Variants in ATRNL1 observed in about 807,000 individuals in gnomAD.
ATRNL1 encodes attractin like 1, also known as attractin-like protein 1.
ATRNL1 carries 95 observed loss-of-function variants against 182.7 expected under a neutral mutation model. The ratio of observed to expected loss-of-function variants is 0.52; its 90% confidence interval spans 0.44 to 0.62. The LOEUF is 0.62. ATRNL1 is among the 20% of genes least tolerant of loss of function. The probability of loss-of-function intolerance (pLI) is 0.00; values close to 1 mark genes in which losing one functional copy is unlikely to be tolerated. For missense variants in ATRNL1, 1,471 were observed against 1,679.5 expected, an observed-to-expected ratio of 0.88 and a Z score of 2.17; for synonymous variants, 576 against 568.3, an observed-to-expected ratio of 1.01 and a Z score of -0.19.
chr10:115,877,640 G>A (rs186134713), intron 28 of ATRNL1, among the ~76,000 whole-genome samples: 41 of 152,212 alleles, frequency 2.7e-4, no homozygotes, highest in African/African-American at 9.9e-4. Context: ...TATTTTATTT[G>A]GACTTTGGGA....
At chr10:115,122,578 G>T (rs1554872063) in intron 3 of ATRNL1, among the ~76,000 whole-genome samples, 1 of 151,734 alleles carries the variant, frequency 6.6e-6, no homozygotes, top group African/African-American at 2.4e-5. Flanking sequence ...ATGGATAAAA[G>T]CTTATTGGTC....
Position 115,543,230 on chromosome 10 carries a change from C to T in ATRNL1, c.3717-6228C>T, listed in dbSNP as rs10787577. ...AGAAGTTTGACCAATTTATTCTATG[C>T]GTGTATTATTTACCACATTCAGCCA... is the stretch of plus-strand genomic sequence containing the variant. On this transcript the variant is annotated intron_variant, in intron 25 of 28. Coordinates refer to ENST00000355044, the MANE Select transcript of ATRNL1 (RefSeq NM_207303.4). 7.2e-3 allele frequency among the ~76,000 whole-genome samples: 1,093 copies of T among 152,156 alleles called. 12 individuals are homozygous for T. The highest frequency in any genetic ancestry group is 0.024 in the African/African-American group (1,003 of 41,518).
At chr10:115,606,283 T>C (rs1175342090) in intron 26 of ATRNL1, among the ~76,000 whole-genome samples, 2 of 151,920 alleles carry the variant, frequency 1.3e-5, no homozygotes, top group Non-Finnish European at 2.9e-5. Flanking sequence ...AACACACTCA[T>C]AGAAAAAAAA....
At chr10:115,176,327 A>G (rs1187456645) in intron 8 of ATRNL1, among the ~76,000 whole-genome samples, 2 of 152,144 alleles carry the variant, frequency 1.3e-5, no homozygotes, top group South Asian at 2.1e-4. Flanking sequence ...CCATTTGTCA[A>G]TTTTGGCTTT....
chr10:115,454,803 G>A (rs1241367230), intron 21 of ATRNL1, among the ~76,000 whole-genome samples: 2 of 152,040 alleles, frequency 1.3e-5, no homozygotes, highest in Non-Finnish European at 2.9e-5. Flanking sequence ...TTGTGTGTGT[G>A]TATGTGTGGA....
At chr10:115,272,998 ATGTC>A (rs1554913741) in intron 13 of ATRNL1, among the ~76,000 whole-genome samples, 1 of 152,216 alleles carries the variant, frequency 6.6e-6, no homozygotes, top group Non-Finnish European at 1.5e-5. Flanking sequence ...GCCAGAATAA[ATGTC>A]TGTTTCAGTA....
At chr10:115,291,234 T>C (rs1852887871) in intron 15 of ATRNL1, among the ~76,000 whole-genome samples, 1 of 152,222 alleles carries the variant, frequency 6.6e-6, no homozygotes, top group African/African-American at 2.4e-5. Flanking sequence ...TTAAGGTTTT[T>C]CTCTGTATCA....
rs1471104176 is a variant in ATRNL1 at position 115,946,766 on chromosome 10, A to G, written c.*1987A>G. 1 of 152,148 alleles carries G rather than the reference A, an allele frequency of 6.6e-6. No individual in the cohort carries two copies. Among genetic ancestry groups the G allele is most frequent in the Non-Finnish European group, 1.5e-5 (1 of 68,016 alleles). 9.4% of individuals were successfully genotyped at this position (152,148 alleles called of 1,614,324 possible). On this transcript the variant is annotated 3_prime_UTR_variant, in exon 29 of 29. Transcript: ENST00000355044. Reference sequence around the variant, plus strand: ...ATTGACTTCTCTCATGAAAAAATAAATTGATGAAACTAATGATTACAAAGA... The same window carrying G: ...ATTGACTTCTCTCATGAAAAAATAAGTTGATGAAACTAATGATTACAAAGA...
chr10:115,622,937 T>C (rs1157719639), intron 26 of ATRNL1, among the ~76,000 whole-genome samples: 2 of 151,272 alleles, frequency 1.3e-5, no homozygotes, highest in East Asian at 3.9e-4. Context: ...GAAAAAAAAA[T>C]AGAATTTAAA....
In ATRNL1 at chr10:115,924,647, T is replaced by C. The variant is rs144897343; in HGVS notation, c.4019-20011T>C. Reference sequence around the variant, plus strand: ...ACCAGTACCATGCTGTTTTGATTACTGTAGCCTTGTAAGATAGTTTGAAGT... The same window carrying C: ...ACCAGTACCATGCTGTTTTGATTACCGTAGCCTTGTAAGATAGTTTGAAGT... On this transcript the variant is annotated intron_variant, in intron 28 of 28. Coordinates refer to ENST00000355044, the MANE Select transcript of ATRNL1 (RefSeq NM_207303.4). Among the ~76,000 whole-genome samples, 578 of 152,336 alleles carry C rather than the reference T, an allele frequency of 3.8e-3. 5 individuals carry two copies. The highest frequency in any genetic ancestry group is 0.013 in the African/African-American group (539 of 41,580).
intron 27 of ATRNL1, among the ~76,000 whole-genome samples, chr10:115,823,158 C>T (rs1042539989): frequency 6.6e-6 from 1 of 152,150 alleles, no homozygotes; most frequent in Admixed American, 6.5e-5. Context: ...ATCACATAAA[C>T]AGAACCAATG....
intron 27 of ATRNL1, among the ~76,000 whole-genome samples, chr10:115,826,274 T>C (rs1589564626): frequency 6.6e-6 from 1 of 152,190 alleles, no homozygotes; most frequent in Non-Finnish European, 1.5e-5. Context: ...TGTCACAGCT[T>C]TCTTGCTCCC....
chr10:115,514,579 T>C (rs1565121103), intron 24 of ATRNL1, among the ~76,000 whole-genome samples: 1 of 151,920 alleles, frequency 6.6e-6, no homozygotes, highest in South Asian at 2.1e-4. Context: ...GACCCACAGA[T>C]GGCAGGTAAA....
chr10:115,492,834 G>A (rs954276665), intron 24 of ATRNL1, among the ~76,000 whole-genome samples: 76 of 151,406 alleles, frequency 5.0e-4, no homozygotes, highest in African/African-American at 1.7e-3. Flanking sequence ...TAGTAGAGAC[G>A]GGGTTTCACC....
chr10:115,258,540 T>C (rs1851256764), intron 10 of ATRNL1, among the ~76,000 whole-genome samples: 2 of 152,056 alleles, frequency 1.3e-5, no homozygotes, highest in Admixed American at 1.3e-4. Context: ...GTTTTTAGCT[T>C]CCTTGCAATG....
intron 27 of ATRNL1, among the ~76,000 whole-genome samples, chr10:115,739,056 C>A (rs983766350): frequency 6.6e-6 from 1 of 151,842 alleles, no homozygotes; most frequent in South Asian, 2.1e-4. Flanking sequence ...TATCTTAAAT[C>A]ATTTAAGATG....
chr10:115,239,010 G>C (rs1850299686), intron 9 of ATRNL1, among the ~76,000 whole-genome samples: 1 of 151,826 alleles, frequency 6.6e-6, no homozygotes, highest in Non-Finnish European at 1.5e-5. Context: ...TTAGCTTATC[G>C]ACATGATGGA....
intron 17 of ATRNL1, among the ~76,000 whole-genome samples, chr10:115,304,559 C>T (rs1226974647): frequency 6.6e-6 from 1 of 152,090 alleles, no homozygotes; most frequent in African/African-American, 2.4e-5. Flanking sequence ...GGCTCCACAG[C>T]CGAAAGAGGA....
chr10:115,527,715 A>G (rs1384988689), intron 25 of ATRNL1, among the ~76,000 whole-genome samples: 1 of 152,064 alleles, frequency 6.6e-6, no homozygotes, highest in East Asian at 1.9e-4. Context: ...AATACTCTGA[A>G]GTTTGTTCTA....
Sources: gnomAD v4.1 joint callset for allele counts (sites outside exome capture counted in the v4.1 genomes callset) on GRCh38, gnomAD v4.1.1 for gene constraint, MANE v1.5 for transcripts, NCBI Gene and HGNC (gene_info 2026-07-23, HGNC 2026-07-21) for gene names.